Variants in FLNB observed in about 807,000 individuals in gnomAD.
FLNB encodes filamin B.
Under a neutral mutation model 250.6 loss-of-function variants are expected in FLNB, and 111 were observed. The observed-to-expected ratio is 0.44, with a 90% CI of 0.38 to 0.52. FLNB has a LOEUF of 0.52. Among genes scored for constraint, FLNB ranks in the 20% least tolerant of loss-of-function variants. The probability of loss-of-function intolerance (pLI) is 0.00; values close to 1 mark genes in which losing one functional copy is unlikely to be tolerated. For synonymous variants in FLNB, 1,302 were observed against 1,372.1 expected (o/e 0.95, Z 1.13); for missense variants, 2,869 against 3,447.8 (o/e 0.83, Z 4.20).
chr3:58,122,519 C>T (rs931817702), intron 20 of FLNB, among the ~76,000 whole-genome samples: 7 of 151,622 alleles, frequency 4.6e-5, no homozygotes, highest in East Asian at 1.9e-4. Flanking sequence ...AAAAGTTCAT[C>T]GTCATTTCTT....
At position 58,099,596 on chromosome 3, in the gene FLNB, A is replaced by G. The variant is rs571539482; in HGVS notation, c.1345+688A>G. Among the ~76,000 whole-genome samples, 17 of 151,840 alleles carry G rather than the reference A, an allele frequency of 1.1e-4. 1 individual carries two copies. The Middle Eastern group carries it at 0.014, about 122-fold the overall frequency. ...AACTGTACTACCTTTTCTAACCCACACTTGCCTTTCCCTGTTCTGTCCTCT... is the reference window on the plus strand; with the variant it reads ...AACTGTACTACCTTTTCTAACCCACGCTTGCCTTTCCCTGTTCTGTCCTCT... On this transcript the variant is annotated intron_variant, in intron 8 of 45. Transcript: ENST00000295956.
At chr3:58,156,992 T>TGGCCAGAACCTGTGCCC (rs1228198029) in intron 41 of FLNB, among the ~76,000 whole-genome samples, 1 of 152,224 alleles carries the variant, frequency 6.6e-6, no homozygotes, top group Non-Finnish European at 1.5e-5. Flanking sequence ...CCACTGTGCC[T>TGGCCAGAACCTGTGCCC]GGCCAGAACC....
Sources: allele counts gnomAD v4.1 joint callset (sites outside exome capture counted in the v4.1 genomes callset), GRCh38; gene constraint gnomAD v4.1.1; transcripts MANE v1.5; gene names NCBI Gene and HGNC (gene_info 2026-07-23, HGNC 2026-07-21).